Variants in ARID1B observed in about 807,000 individuals in gnomAD.
ARID1B encodes the protein AT-rich interaction domain 1B.
A neutral mutation model predicts 212.3 loss-of-function variants in ARID1B; 30 were observed. That is an observed-to-expected ratio of 0.14 (90% CI 0.11 to 0.19). The LOEUF is 0.19. Among genes scored for constraint, ARID1B ranks in the 10% least tolerant of loss-of-function variants. The probability of loss-of-function intolerance (pLI) is 1.00; values close to 1 mark genes in which losing one functional copy is unlikely to be tolerated. For missense variants in ARID1B, 2,891 were observed against 3,204.0 expected, an observed-to-expected ratio of 0.90 and a Z score of 2.36; for synonymous variants, 1,402 against 1,301.7, an observed-to-expected ratio of 1.08 and a Z score of -1.66.
chr6:156,942,069 T>A (rs1362065093), intron 4 of ARID1B: 1 of 152,220 alleles, frequency 6.6e-6, no homozygotes, highest in Non-Finnish European at 1.5e-5. Flanking sequence ...AAGATTTCCA[T>A]TTAAAATATG....
intron 4 of ARID1B, among the ~76,000 whole-genome samples, chr6:157,052,681 G>A (rs1489673990): frequency 6.6e-6 from 1 of 152,188 alleles, no homozygotes; most frequent in Non-Finnish European, 1.5e-5. Flanking sequence ...GACAAACATA[G>A]CAACCTGTAC....
chr6:156,840,389 C>T (rs142149705), intron 2 of ARID1B, among the ~76,000 whole-genome samples: 2 of 152,340 alleles, frequency 1.3e-5, no homozygotes, highest in African/African-American at 2.4e-5. Flanking sequence ...CTGATCCTCC[C>T]GTTAGAACAT....
chr6:156,821,369 G>GT (rs1782342260), intron 1 of ARID1B, among the ~76,000 whole-genome samples: 1 of 152,178 alleles, frequency 6.6e-6, no homozygotes, highest in African/African-American at 2.4e-5. Context: ...TACCTTTTGT[G>GT]TTGAGGGGGC....
chr6:156,881,002 T>C (rs1189496448), intron 2 of ARID1B, among the ~76,000 whole-genome samples: 1 of 152,200 alleles, frequency 6.6e-6, no homozygotes, highest in African/African-American at 2.4e-5. Flanking sequence ...TAGAATTCTG[T>C]ACTGGTCTTG....
intron 6 of ARID1B, among the ~76,000 whole-genome samples, chr6:157,117,047 A>G (rs566928204): frequency 6.6e-5 from 10 of 152,332 alleles, no homozygotes; most frequent in Admixed American, 1.3e-4. Context: ...CAGAATCACA[A>G]AAATCTCATC....
intron 5 of ARID1B, among the ~76,000 whole-genome samples, chr6:157,100,958 A>C (rs543924926): frequency 6.6e-6 from 1 of 152,342 alleles, no homozygotes; most frequent in East Asian, 1.9e-4. Context: ...GAATATAAGA[A>C]ATGCATCCTC....
intron 4 of ARID1B, among the ~76,000 whole-genome samples, chr6:157,078,350 A>C (rs1188326651): frequency 6.6e-6 from 1 of 152,216 alleles, no homozygotes; most frequent in Admixed American, 6.5e-5. Context: ...CTTCCAGATG[A>C]AGGTAAATCC....
At chr6:156,929,704 T>C (rs1186475652) in intron 3 of ARID1B, among the ~76,000 whole-genome samples, 1 of 152,226 alleles carries the variant, frequency 6.6e-6, no homozygotes, top group Non-Finnish European at 1.5e-5. Flanking sequence ...ATGACAGTTA[T>C]CACTTATTCC....
intron 1 of ARID1B, among the ~76,000 whole-genome samples, chr6:156,807,518 T>G (rs1037461826): frequency 4.6e-5 from 7 of 152,076 alleles, no homozygotes; most frequent in African/African-American, 1.7e-4. Flanking sequence ...ATTAAAAGAT[T>G]CAAACGCTGG....
rs749937918 is a variant in ARID1B at position 157,184,425 on chromosome 6, G to A, written c.3909G>A (p.Pro1303=). 26 of 1,613,880 alleles carry A rather than the reference G, an allele frequency of 1.6e-5. No homozygotes were observed. Among genetic ancestry groups the A allele is most frequent in the South Asian group, 5.5e-5 (5 of 91,080 alleles). Residue 1303 remains proline (P), a synonymous_variant, in exon 13 of 20, where the codon CCG becomes CCA. Transcript: ENST00000636930. The part of the protein sequence containing the change: ...GDTKKQPKLQ[P]PSPANSGSLQ... ...CCAAAAAGCAGCCCAAGCTCCAGCC[G>A]CCATCTCCTGGTAAGTGGCGGCGCT... is the stretch of plus-strand genomic sequence containing the variant.
At chr6:156,963,986 A>G (rs1054160504) in intron 4 of ARID1B, among the ~76,000 whole-genome samples, 1 of 152,236 alleles carries the variant, frequency 6.6e-6, no homozygotes, top group African/African-American at 2.4e-5. Flanking sequence ...GATTAATCGC[A>G]CTTGAAGGAG....
intron 4 of ARID1B, among the ~76,000 whole-genome samples, chr6:157,048,912 G>A (rs1356356055): frequency 6.6e-6 from 1 of 152,148 alleles, no homozygotes; most frequent in African/African-American, 2.4e-5. Context: ...AGTGGCTCAC[G>A]CCTGTAATCC....
At chr6:156,975,613 C>CTTTTTTTTTTT (rs367797338) in intron 4 of ARID1B, among the ~76,000 whole-genome samples, 7 of 110,856 alleles carry the variant, frequency 6.3e-5, no homozygotes, top group Non-Finnish European at 1.3e-4. Context: ...TTTTTTTTTT[C>CTTTTTTTTTTT]TTTTTTTTTT....
At chr6:156,991,590 T>C (rs929205319) in intron 4 of ARID1B, among the ~76,000 whole-genome samples, 5 of 152,194 alleles carry the variant, frequency 3.3e-5, no homozygotes, top group African/African-American at 1.2e-4. Flanking sequence ...ATTAGAGAAA[T>C]GTTGAGGGGA....
intron 4 of ARID1B, among the ~76,000 whole-genome samples, chr6:156,967,314 T>C (rs1794837880): frequency 6.6e-6 from 1 of 152,178 alleles, no homozygotes; most frequent in East Asian, 1.9e-4. Context: ...CAAATTCACA[T>C]GCAGTCTTTT....
intron 3 of ARID1B, among the ~76,000 whole-genome samples, chr6:156,909,545 G>C (rs1166520503): frequency 6.6e-6 from 1 of 152,162 alleles, no homozygotes; most frequent in Non-Finnish European, 1.5e-5. Flanking sequence ...ATACCCTTCT[G>C]TATCATTCGT....
intron 2 of ARID1B, among the ~76,000 whole-genome samples, chr6:156,855,056 A>C (rs1360920340): frequency 6.6e-6 from 1 of 152,198 alleles, no homozygotes; most frequent in Non-Finnish European, 1.5e-5. Context: ...CATATATCAT[A>C]GAAGGCATTT....
intron 2 of ARID1B, among the ~76,000 whole-genome samples, chr6:156,836,604 C>T (rs1373074825): frequency 6.6e-6 from 1 of 152,138 alleles, no homozygotes; most frequent in East Asian, 1.9e-4. Flanking sequence ...TATAAGACCT[C>T]TCAGCTTGGA....
intron 1 of ARID1B, among the ~76,000 whole-genome samples, chr6:156,800,719 C>T (rs1215896241): frequency 6.6e-6 from 1 of 152,018 alleles, no homozygotes. Flanking sequence ...CCAGCTTGGG[C>T]AACATAGTAA....
Sources: gnomAD v4.1 joint callset for allele counts (sites outside exome capture counted in the v4.1 genomes callset) on GRCh38, gnomAD v4.1.1 for gene constraint, MANE v1.5 for transcripts, NCBI Gene and HGNC (gene_info 2026-07-23, HGNC 2026-07-21) for gene names.